SLC9A9: variants seen among roughly 807,000 people sequenced by gnomAD.
The protein encoded by SLC9A9 is solute carrier family 9 member A9.
A neutral mutation model predicts 77.8 loss-of-function variants in SLC9A9; 62 were observed. The ratio of observed to expected loss-of-function variants is 0.80; its 90% CI spans 0.65 to 0.98. The LOEUF (loss-of-function observed/expected upper bound fraction) is 0.98, where lower values mean the gene tolerates loss of function less well. Among genes scored for constraint, SLC9A9 ranks in the 50% least tolerant of loss-of-function variants. SLC9A9 has a pLI of 0.00. For synonymous variants in SLC9A9, 320 were observed against 283.5 expected, an observed-to-expected ratio of 1.13 and a Z score of -1.29; for missense variants, 775 against 774.9, an observed-to-expected ratio of 1.00 and a Z score of 0.00.
intron 12 of SLC9A9, among the ~76,000 whole-genome samples, chr3:143,402,289 T>C (rs181660272): frequency 2.6e-5 from 4 of 152,304 alleles, no homozygotes; most frequent in Admixed American, 1.3e-4. Flanking sequence ...GAATAGACTT[T>C]TATGAGAAGA....
chr3:143,438,075 G>T (rs1024223058), intron 12 of SLC9A9, among the ~76,000 whole-genome samples: 1 of 152,244 alleles, frequency 6.6e-6, no homozygotes, highest in African/African-American at 2.4e-5. Context: ...GAAAGGAAAG[G>T]CCAGGCTGGG....
chr3:143,475,660 T>G (rs1307747361), intron 11 of SLC9A9, among the ~76,000 whole-genome samples: 1 of 151,808 alleles, frequency 6.6e-6, no homozygotes, highest in Non-Finnish European at 1.5e-5. Context: ...GGCGTGGTGG[T>G]GAATGCCTGT....
Position 143,495,449 on chromosome 3 carries a change from C to T in SLC9A9, c.1090-1G>A. ...CCAAAAAGTTCATAAATTCAAACAACTGAAACAAAACATAAAACAAAAAAC... is the reference window on the plus strand; with the variant it reads ...CCAAAAAGTTCATAAATTCAAACAATTGAAACAAAACATAAAACAAAAAAC... On this transcript the variant is annotated splice_acceptor_variant, in intron 9 of 15. Coordinates refer to ENST00000316549, the MANE Select transcript of SLC9A9 (RefSeq NM_173653.4). LOFTEE classifies it high-confidence loss of function. 1.9e-6 allele frequency: 3 copies of T among 1,608,196 alleles called. No individual in the cohort carries two copies. The highest frequency in any genetic ancestry group is 2.6e-6 in the Non-Finnish European group (3 of 1,174,712).
intron 14 of SLC9A9, among the ~76,000 whole-genome samples, chr3:143,312,033 T>C (rs1184202108): frequency 1.3e-5 from 2 of 152,250 alleles, no homozygotes; most frequent in Non-Finnish European, 2.9e-5. Context: ...CTCAGATTTT[T>C]ATGGAGAACA....
At chr3:143,455,516 CTT>C (rs1170945285) in intron 12 of SLC9A9, among the ~76,000 whole-genome samples, 2 of 152,134 alleles carry the variant, frequency 1.3e-5, no homozygotes, top group Admixed American at 6.5e-5. Context: ...AAATTGATGT[CTT>C]AACTATATTT....
chr3:143,823,822 T>C (rs2009231925), intron 2 of SLC9A9, among the ~76,000 whole-genome samples: 1 of 152,080 alleles, frequency 6.6e-6, no homozygotes, highest in Non-Finnish European at 1.5e-5. Context: ...GAGGTGTCCA[T>C]ATCTTAGAGA....
chr3:143,574,953 A>G (rs17647498), intron 7 of SLC9A9, among the ~76,000 whole-genome samples: 1,809 of 152,340 alleles, frequency 0.012, 19 homozygotes, highest in South Asian at 0.04. Context: ...AAATGCCCTG[A>G]CAAATAAGGA....
chr3:143,759,523 C>G (rs1444644999), intron 4 of SLC9A9, among the ~76,000 whole-genome samples: 1 of 152,066 alleles, frequency 6.6e-6, no homozygotes, highest in Non-Finnish European at 1.5e-5. Context: ...GGACATAGAA[C>G]AGCAATAGAA....
intron 14 of SLC9A9, among the ~76,000 whole-genome samples, chr3:143,357,324 A>G (rs2108478735): frequency 6.6e-6 from 1 of 152,258 alleles, no homozygotes; most frequent in Admixed American, 6.5e-5. Flanking sequence ...GGACTTCGCG[A>G]CCATGAGGTA....
intron 4 of SLC9A9, among the ~76,000 whole-genome samples, chr3:143,779,799 A>G (rs1443880271): frequency 6.6e-6 from 1 of 152,234 alleles, no homozygotes; most frequent in Non-Finnish European, 1.5e-5. Flanking sequence ...CTATGAAACT[A>G]TTATATTTTG....
chr3:143,843,781 T>C (rs750041974), intron 1 of SLC9A9, among the ~76,000 whole-genome samples: 6 of 152,202 alleles, frequency 3.9e-5, no homozygotes, highest in African/African-American at 1.4e-4. Flanking sequence ...TTATGAGCAC[T>C]GAACAGGGGA....
chr3:143,543,123 A>G (rs2036714483), intron 9 of SLC9A9, among the ~76,000 whole-genome samples: 1 of 152,228 alleles, frequency 6.6e-6, no homozygotes, highest in Admixed American at 6.5e-5. Flanking sequence ...CAGAAATCTG[A>G]TTATTATCAT....
intron 6 of SLC9A9, among the ~76,000 whole-genome samples, chr3:143,599,032 A>G (rs1304606860): frequency 6.6e-6 from 1 of 152,222 alleles, no homozygotes; most frequent in Non-Finnish European, 1.5e-5. Flanking sequence ...CATTCTAAAC[A>G]AGATTCAAAT....
chr3:143,327,554 CAT>C (rs2031642201), intron 14 of SLC9A9, among the ~76,000 whole-genome samples: 1 of 152,124 alleles, frequency 6.6e-6, no homozygotes, highest in South Asian at 2.1e-4. Flanking sequence ...TGTTTCCTGT[CAT>C]GTGAACTTAG....
intron 14 of SLC9A9, among the ~76,000 whole-genome samples, chr3:143,273,933 A>T (rs1405099408): frequency 6.6e-6 from 1 of 152,176 alleles, no homozygotes; most frequent in African/African-American, 2.4e-5. Flanking sequence ...TATGTCCATA[A>T]GCCATCATTT....
At chr3:143,718,920 A>T (rs779840664) in intron 4 of SLC9A9, among the ~76,000 whole-genome samples, 5 of 152,198 alleles carry the variant, frequency 3.3e-5, no homozygotes, top group Non-Finnish European at 7.3e-5. Flanking sequence ...TACTTAATCT[A>T]GGACGACTTA....
rs1195962317 is a variant in SLC9A9, at chr3:143,371,339, A to G, written c.1525-7776T>C. ...TTCTAGAATAATGACCATGCCCTAA[A>G]ACCGAGGATGAAATGAAAATGTATC... On this transcript the variant is annotated intron_variant, in intron 13 of 15. Transcript: ENST00000316549. Among the ~76,000 whole-genome samples the G allele has an allele frequency of 2.0e-5, 3 of 152,216 alleles. No homozygotes were observed. In the East Asian group the frequency reaches 5.8e-4, roughly 29 times the overall value.
intron 9 of SLC9A9, among the ~76,000 whole-genome samples, chr3:143,495,698 C>T (rs1214050430): frequency 6.6e-6 from 1 of 152,160 alleles, no homozygotes; most frequent in Non-Finnish European, 1.5e-5. Flanking sequence ...GTAATATTAA[C>T]CAGCATGATC....
In SLC9A9 at chr3:143,273,857, CTGGAGTATT is replaced by C. The variant is rs1161156676; in HGVS notation, c.1605-4886_1605-4878del. Among the ~76,000 whole-genome samples the C allele has an allele frequency of 7.2e-5, 11 of 152,356 alleles. No homozygotes were observed. The East Asian group carries it at 1.9e-3, about 27-fold the overall frequency. ...ACTGATCAAGTGAATTTGGAATTCTCTGGAGTATTGCCCTCCCATATGAGATTCAAATCT... is the reference window on the plus strand; with the variant it reads ...ACTGATCAAGTGAATTTGGAATTCTCGCCCTCCCATATGAGATTCAAATCT... On this transcript the variant is annotated intron_variant, in intron 14 of 15. Transcript: ENST00000316549.
Sources: gnomAD v4.1 joint callset for allele counts (sites outside exome capture counted in the v4.1 genomes callset) on GRCh38, gnomAD v4.1.1 for gene constraint, MANE v1.5 for transcripts, NCBI Gene and HGNC (gene_info 2026-07-23, HGNC 2026-07-21) for gene names.